DZIP1L: variants seen among roughly 807,000 people sequenced by gnomAD.
The protein encoded by DZIP1L is DAZ interacting zinc finger protein 1 like.
Under a neutral mutation model 88.7 loss-of-function variants are expected in DZIP1L, and 90 were observed. The ratio of observed to expected loss-of-function variants is 1.02; its 90% confidence interval spans 0.86 to 1.21. The LOEUF is 1.21. Among genes scored for constraint, DZIP1L ranks in the 50% most tolerant of loss-of-function variants. The pLI, the probability that DZIP1L is intolerant of heterozygous loss-of-function variation, is 0.00. For synonymous variants in DZIP1L, 363 were observed against 372.1 expected, an observed-to-expected ratio of 0.98 and a Z score of 0.28; for missense variants, 932 against 955.8, an observed-to-expected ratio of 0.98 and a Z score of 0.33.
chr3:138,068,292 G>C lies in DZIP1L; in HGVS notation c.1691C>G (p.Ser564Cys), dbSNP rs767522301. The C allele has an allele frequency of 3.1e-6, 5 of 1,596,582 alleles. No homozygotes were observed. The highest frequency in any genetic ancestry group is 1.7e-4 in the Middle Eastern group (1 of 6,016). ...KTRTLQVALPSTPAEPPPPTR... is the reference protein window; with the variant it reads ...KTRTLQVALPCTPAEPPPPTR... The stretch of plus-strand genomic sequence containing the variant: ...TGGTGGGGGTGGCTCTGCCGGTGTG[G>C]ATGGCAAGGCCACCTGCAGGGTCCT... The change falls in exon 13 of 16, where the codon TCC becomes TGC. Residue 564 changes from serine (S) to cysteine (C), a missense_variant. Coordinates refer to ENST00000327532, the MANE Select transcript of DZIP1L (RefSeq NM_173543.3).
In DZIP1L at chr3:138,095,066, T is replaced by C. The variant is rs1042837807; in HGVS notation, c.587-83A>G. 84 of 1,589,284 alleles carry C rather than the reference T, an allele frequency of 5.3e-5. No homozygotes were observed. The African/African-American group carries it at 1.0e-3, about 19-fold the overall frequency. The stretch of plus-strand genomic sequence containing the variant: ...AGTTTCTCACCTTGTCAATCAGCCA[T>C]ACCTCGGTCTCAAACCAGCTTCGCT... On this transcript the variant is annotated intron_variant, in intron 3 of 15. Coordinates refer to ENST00000327532, the MANE Select transcript of DZIP1L (RefSeq NM_173543.3).
At chr3:138,098,640 TC>T (rs1944583729) in intron 2 of DZIP1L, among the ~76,000 whole-genome samples, 1 of 152,312 alleles carries the variant, frequency 6.6e-6, no homozygotes, top group African/African-American at 2.4e-5. Context: ...ATACCCATTT[TC>T]CCTTTCTTCC....
rs1357271406 is a variant in DZIP1L at position 138,066,755 on chromosome 3, CT to C, written c.2002+775del. Among the ~76,000 whole-genome samples, 6 of 152,032 alleles carry C rather than the reference CT, an allele frequency of 3.9e-5. No individual in the cohort carries two copies. In the South Asian group the frequency reaches 1.3e-3, roughly 32 times the overall value. On this transcript the variant is annotated intron_variant, in intron 14 of 15. Coordinates refer to ENST00000327532, the MANE Select transcript of DZIP1L (RefSeq NM_173543.3). ...CACAGAAGAAGGAACTTCTGCTCTA[CT>C]CACCGAGATGGACAAGGATAGGAGA... is the stretch of plus-strand genomic sequence containing the variant.
intron 10 of DZIP1L, among the ~76,000 whole-genome samples, chr3:138,079,770 C>T (rs915291562): frequency 2.0e-5 from 3 of 152,088 alleles, no homozygotes; most frequent in African/African-American, 4.8e-5. Flanking sequence ...AAAAACATTA[C>T]ATTAAAAAAT....
intron 11 of DZIP1L, among the ~76,000 whole-genome samples, chr3:138,073,462 A>G (rs1314893209): frequency 6.6e-6 from 1 of 152,122 alleles, no homozygotes; most frequent in Non-Finnish European, 1.5e-5. Flanking sequence ...CAGAAGATCA[A>G]AAACAATCAC....
At chr3:138,089,917 G>A (rs1386005593) in intron 5 of DZIP1L, among the ~76,000 whole-genome samples, 1 of 152,108 alleles carries the variant, frequency 6.6e-6, no homozygotes, top group Non-Finnish European at 1.5e-5. Context: ...GGGAGGCTGG[G>A]GTGGACAGAT....
Position 138,062,597 on chromosome 3 carries a change from C to T in DZIP1L, c.*219G>A. 1 of 514,938 alleles carries T rather than the reference C, an allele frequency of 1.9e-6. No homozygotes were observed. The highest frequency in any genetic ancestry group is 3.5e-5 in the South Asian group (1 of 28,668). The allele number at this position is 514,938 out of a possible 1,614,324, so 31.9% of individuals were successfully genotyped here. On this transcript the variant is annotated 3_prime_UTR_variant, in exon 16 of 16. Coordinates refer to ENST00000327532, the MANE Select transcript of DZIP1L (RefSeq NM_173543.3). Reference sequence around the variant, plus strand: ...TTTAACCCTTTCTCAAGCCTGGGGACCTAGGGGCTCCTAGTCAGGCACCTG... The same window carrying T: ...TTTAACCCTTTCTCAAGCCTGGGGATCTAGGGGCTCCTAGTCAGGCACCTG...
At chr3:138,113,627 C>G (rs1366888928) in intron 1 of DZIP1L, 2 of 152,244 alleles carry the variant, frequency 1.3e-5, no homozygotes, top group Non-Finnish European at 2.9e-5. Context: ...CTCCAGAGAC[C>G]TCAACAGAGA....
At chr3:138,100,447 C>T (rs1277022005) in intron 2 of DZIP1L, among the ~76,000 whole-genome samples, 1 of 152,182 alleles carries the variant, frequency 6.6e-6, no homozygotes, top group Non-Finnish European at 1.5e-5. Flanking sequence ...GTGTCTTCTT[C>T]CTGAGTTCTG....
At chr3:138,086,299 A>G (rs1235195471) in intron 7 of DZIP1L, among the ~76,000 whole-genome samples, 1 of 151,924 alleles carries the variant, frequency 6.6e-6, no homozygotes, top group Non-Finnish European at 1.5e-5. Context: ...CTTCAGATAA[A>G]ATAAAACCAT....
intron 11 of DZIP1L, among the ~76,000 whole-genome samples, chr3:138,073,997 A>G (rs1250552702): frequency 2.6e-5 from 4 of 152,152 alleles, no homozygotes; most frequent in African/African-American, 9.7e-5. Flanking sequence ...GAATTAACAC[A>G]ATCCATAGAA....
In DZIP1L at chr3:138,092,319, A is replaced by C. The variant is rs1944276407; in HGVS notation, c.870+64T>G. ...GATGAAATAAAACCAGTACAAACTA[A>C]GAAATTTTGAGAATAAGCAGATTTC... On this transcript the variant is annotated intron_variant, in intron 5 of 15. Coordinates refer to ENST00000327532, the MANE Select transcript of DZIP1L (RefSeq NM_173543.3). 1.4e-5 allele frequency: 20 copies of C among 1,455,660 alleles called. 1 individual carries two copies. In the South Asian group the frequency reaches 3.1e-4, roughly 23 times the overall value. 90.2% of individuals were successfully genotyped at this position (1,455,660 alleles called of 1,614,324 possible).
chr3:138,076,205 CA>C (rs1232174128), intron 11 of DZIP1L, among the ~76,000 whole-genome samples: 2 of 152,114 alleles, frequency 1.3e-5, no homozygotes, highest in Non-Finnish European at 2.9e-5. Context: ...ATCAAAACCA[CA>C]ATGTGATACC....
chr3:138,097,206 A>G (rs1266099740), intron 3 of DZIP1L, among the ~76,000 whole-genome samples: 2 of 152,106 alleles, frequency 1.3e-5, no homozygotes, highest in Admixed American at 1.3e-4. Context: ...AAAAGAAAAG[A>G]AAAGTGAATG....
chr3:138,087,070 A>C, intron 6 of DZIP1L, 47 bp from the exon 7 acceptor site: 1 of 1,581,066 alleles, frequency 6.3e-7, no homozygotes, highest in Non-Finnish European at 8.7e-7. Flanking sequence ...CAGGTATTAA[A>C]ACATGTTATA....
intron 1 of DZIP1L, among the ~76,000 whole-genome samples, chr3:138,111,132 C>T (rs1241242689): frequency 2.6e-5 from 4 of 152,204 alleles, no homozygotes; most frequent in Non-Finnish European, 5.9e-5. Flanking sequence ...TGCTGTATCC[C>T]AGTCCCCAGC....
chr3:138,111,821 C>G (rs1266804468), intron 1 of DZIP1L, among the ~76,000 whole-genome samples: 1 of 152,054 alleles, frequency 6.6e-6, no homozygotes, highest in African/African-American at 2.4e-5. Context: ...ATGGTGAAAC[C>G]CCGTCTCTAC....
chr3:138,082,930 G>T (rs531097226), intron 8 of DZIP1L, among the ~76,000 whole-genome samples: 2 of 152,042 alleles, frequency 1.3e-5, no homozygotes, highest in Non-Finnish European at 2.9e-5. Flanking sequence ...AAAGTGAAGC[G>T]GTAAACAAAA....
chr3:138,092,234 T>C, intron 5 of DZIP1L, 149 bp downstream of exon 5: 1 of 849,536 alleles, frequency 1.2e-6, no homozygotes. Context: ...GTCTGAAATC[T>C]GGGCCTCTAA....
Sources: allele counts gnomAD v4.1 joint callset (sites outside exome capture counted in the v4.1 genomes callset), GRCh38; gene constraint gnomAD v4.1.1; transcripts MANE v1.5; gene names NCBI Gene and HGNC (gene_info 2026-07-23, HGNC 2026-07-21).